FMNL2: variants seen among roughly 807,000 people sequenced by gnomAD.
FMNL2 encodes the protein formin like 2, also known as formin-like protein 2.
FMNL2 carries 51 observed loss-of-function variants against 130.2 expected under a neutral mutation model. The observed-to-expected ratio is 0.39, with a 90% CI of 0.31 to 0.49. FMNL2 has a LOEUF of 0.49. Ranked by LOEUF, FMNL2 falls within the 20% of genes least tolerant of loss-of-function variation. The probability of loss-of-function intolerance (pLI) is 0.85; values close to 1 mark genes in which losing one functional copy is unlikely to be tolerated. For missense variants in FMNL2, 977 were observed against 1,316.2 expected, an observed-to-expected ratio of 0.74 and a Z score of 3.99; for synonymous variants, 465 against 467.1, an observed-to-expected ratio of 1.00 and a Z score of 0.06.
At chr2:152,643,786 A>G in intron 25 of FMNL2, 1 of 985,496 alleles carries the variant, frequency 1.0e-6, no homozygotes, top group African/African-American at 1.7e-5. Context: ...GTTCACAGAA[A>G]TTTTCAGAAA....
intron 1 of FMNL2, among the ~76,000 whole-genome samples, chr2:152,367,161 C>T (rs1256015339): frequency 4.6e-5 from 7 of 151,010 alleles, no homozygotes; most frequent in South Asian, 4.2e-4. Flanking sequence ...CTGCAACCTC[C>T]GCCTCCTGGG....
intron 4 of FMNL2, among the ~76,000 whole-genome samples, chr2:152,549,666 A>G (rs937406971): frequency 3.9e-5 from 6 of 152,224 alleles, no homozygotes; most frequent in Non-Finnish European, 2.9e-5. Flanking sequence ...TGCACTAAGC[A>G]TTCTGAGTTT....
chr2:152,433,055 TTATC>T (rs1172612466), intron 1 of FMNL2, among the ~76,000 whole-genome samples: 1 of 152,156 alleles, frequency 6.6e-6, no homozygotes, highest in Admixed American at 6.6e-5. Flanking sequence ...GAGGAGGTAT[TTATC>T]TATCTGTCAT....
In FMNL2 at chr2:152,599,405, C is replaced by CTTTTTTTTTT. The variant is rs35753197; in HGVS notation, c.877-7911_877-7902dup. On this transcript the variant is annotated intron_variant, in intron 9 of 25. Coordinates refer to ENST00000288670, the MANE Select transcript of FMNL2 (RefSeq NM_052905.4). ...CTCTCTAGAATTTATTGAAGGTCAT[C>CTTTTTTTTTT]TTTTTTTTTTTTTTTTTTTTTTTTT... Among the ~76,000 whole-genome samples the CTTTTTTTTTT allele has an allele frequency of 2.7e-4, 12 of 45,084 alleles. 2 individuals are homozygous for CTTTTTTTTTT. Among genetic ancestry groups the CTTTTTTTTTT allele is most frequent in the African/African-American group, 6.2e-4 (8 of 12,928 alleles). The allele number at this position is 45,084 out of a possible 152,430, so 29.6% of individuals were successfully genotyped here.
At chr2:152,479,913 T>G (rs1690398787) in intron 1 of FMNL2, among the ~76,000 whole-genome samples, 2 of 152,070 alleles carry the variant, frequency 1.3e-5, no homozygotes, top group Admixed American at 6.6e-5. Context: ...ATGGGGTTTT[T>G]TGGCCATGTG....
intron 6 of FMNL2, 134 bp downstream of exon 6, chr2:152,561,169 A>G: frequency 1.1e-6 from 1 of 947,162 alleles, no homozygotes. Context: ...ACTCTAAATG[A>G]ATGTTTCTTT....
intron 1 of FMNL2, among the ~76,000 whole-genome samples, chr2:152,436,851 A>G (rs922100381): frequency 6.6e-6 from 1 of 152,042 alleles, no homozygotes; most frequent in African/African-American, 2.4e-5. Flanking sequence ...GGACAAGTAG[A>G]CCCCTCTGTC....
rs76592811 is a variant in FMNL2 at position 152,353,676 on chromosome 2, T to A, written c.117+17956T>A. Among the ~76,000 whole-genome samples the A allele has an allele frequency of 3.4e-3, 516 of 152,296 alleles. 4 individuals are homozygous for A. The highest frequency in any genetic ancestry group is 0.012 in the African/African-American group (498 of 41,566). On this transcript the variant is annotated intron_variant, in intron 1 of 25. Transcript: ENST00000288670. Reference sequence around the variant, plus strand: ...GCTCAAGAGCTACCTTTTTGACTTGTTATGGATATTAAGTGATATTGCTTA... The same window carrying A: ...GCTCAAGAGCTACCTTTTTGACTTGATATGGATATTAAGTGATATTGCTTA...
At chr2:152,551,819 C>G (rs990362085) in intron 4 of FMNL2, among the ~76,000 whole-genome samples, 1 of 152,108 alleles carries the variant, frequency 6.6e-6, no homozygotes, top group Admixed American at 6.5e-5. Flanking sequence ...AGTTTGAGAC[C>G]AGCTTGGGTA....
chr2:152,479,842 C>T (rs1305993573), intron 1 of FMNL2, among the ~76,000 whole-genome samples: 2 of 151,096 alleles, frequency 1.3e-5, no homozygotes, highest in Admixed American at 6.6e-5. Flanking sequence ...TCCCGAGTAG[C>T]TGGCACTACA....
At chr2:152,585,677 G>A (rs563765382) in intron 9 of FMNL2, among the ~76,000 whole-genome samples, 1 of 152,170 alleles carries the variant, frequency 6.6e-6, no homozygotes, top group South Asian at 2.1e-4. Context: ...TCTTCCAAAT[G>A]ACATGGACCA....
intron 25 of FMNL2, among the ~76,000 whole-genome samples, chr2:152,646,276 G>GA: frequency 6.6e-6 from 1 of 152,102 alleles, no homozygotes; most frequent in Non-Finnish European, 1.5e-5. Flanking sequence ...ATGCTGCAGT[G>GA]AGCAGAGATC....
rs560815448 is a variant in FMNL2 at position 152,462,661 on chromosome 2, T to C, written c.118-59282T>C. ...CTTGTGTTTGCTAGATTCCTAAGAC[T>C]ACTACATATATACTCTTAATTGATC... On this transcript the variant is annotated intron_variant, in intron 1 of 25. Transcript: ENST00000288670. Among the ~76,000 whole-genome samples the C allele has an allele frequency of 8.5e-5, 13 of 152,354 alleles. 1 individual carries two copies. Among genetic ancestry groups the C allele is most frequent in the Admixed American group, 3.9e-4 (6 of 15,312 alleles).
chr2:152,567,871 T>G (rs7574348), intron 6 of FMNL2, among the ~76,000 whole-genome samples: 111,434 of 151,968 alleles, frequency 0.73, 41,103 homozygotes, highest in East Asian at 0.81. Flanking sequence ...AAATGCTTTT[T>G]GTCAGCGAGA....
At chr2:152,468,879 G>T (rs941977806) in intron 1 of FMNL2, among the ~76,000 whole-genome samples, 8 of 152,150 alleles carry the variant, frequency 5.3e-5, no homozygotes, top group Non-Finnish European at 1.2e-4. Flanking sequence ...TCATTCAATG[G>T]GGAGAGATAA....
At chr2:152,346,214 G>A (rs973583064) in intron 1 of FMNL2, among the ~76,000 whole-genome samples, 3 of 151,954 alleles carry the variant, frequency 2.0e-5, no homozygotes, top group Non-Finnish European at 4.4e-5. Context: ...TAGTAGAGAC[G>A]GGGTTTCATC....
At chr2:152,490,082 A>C (rs1025998146) in intron 1 of FMNL2, among the ~76,000 whole-genome samples, 1 of 152,238 alleles carries the variant, frequency 6.6e-6, no homozygotes, top group Admixed American at 6.5e-5. Flanking sequence ...ATAGAAAAAC[A>C]GATGCTGCAT....
At chr2:152,548,603 A>T (rs1158906081) in intron 3 of FMNL2, among the ~76,000 whole-genome samples, 1 of 152,126 alleles carries the variant, frequency 6.6e-6, no homozygotes, top group Non-Finnish European at 1.5e-5. Flanking sequence ...GTTTTATCCT[A>T]TGCACCTTTT....
At chr2:152,545,545 C>T (rs2105510144) in intron 3 of FMNL2, among the ~76,000 whole-genome samples, 1 of 152,284 alleles carries the variant, frequency 6.6e-6, no homozygotes, top group South Asian at 2.1e-4. Context: ...AAACCAGCCT[C>T]CTTATTTAAT....
Sources: allele counts gnomAD v4.1 joint callset (sites outside exome capture counted in the v4.1 genomes callset), GRCh38; gene constraint gnomAD v4.1.1; transcripts MANE v1.5; gene names NCBI Gene and HGNC (gene_info 2026-07-23, HGNC 2026-07-21).